Variants in VPS8 observed in about 807,000 individuals in gnomAD.
VPS8 encodes VPS8 subunit of CORVET complex, also known as vacuolar protein sorting-associated protein 8 homolog.
In VPS8, 129 loss-of-function variants were observed where a neutral mutation model predicts 216.4. The ratio of observed to expected loss-of-function variants is 0.60; its 90% CI spans 0.52 to 0.69. The LOEUF is 0.69. Among genes scored for constraint, VPS8 ranks in the 30% least tolerant of loss-of-function variants. The probability of loss-of-function intolerance (pLI) is 0.00; values close to 1 mark genes in which losing one functional copy is unlikely to be tolerated. For synonymous variants in VPS8, 571 were observed against 565.4 expected (o/e 1.01, Z -0.14); for missense variants, 1,531 against 1,683.5 (o/e 0.91, Z 1.59).
chr3:184,957,609 T>C lies in VPS8; in HGVS notation c.3183+88T>C, dbSNP rs73885629. The C allele has an allele frequency of 1.1e-3, 1,541 of 1,396,052 alleles. 11 individuals carry two copies. In the African/African-American group the frequency reaches 0.019, roughly 17 times the overall value. The allele number at this position is 1,396,052 out of a possible 1,614,324, so 86.5% of individuals were successfully genotyped here. ...TGATCAAAGACAAGGGGAAAAAATATATAATTTCTTTTTTAAACCTTATAA... is the reference window on the plus strand; with the variant it reads ...TGATCAAAGACAAGGGGAAAAAATACATAATTTCTTTTTTAAACCTTATAA... On this transcript the variant is annotated intron_variant, in intron 37 of 47. Coordinates refer to ENST00000625842, the MANE Select transcript of VPS8 (RefSeq NM_001009921.3).
chr3:184,906,856 A>G (rs1216498131), intron 25 of VPS8, among the ~76,000 whole-genome samples: 3 of 152,146 alleles, frequency 2.0e-5, no homozygotes, highest in East Asian at 1.9e-4. Context: ...CAGGGAAGGG[A>G]TGGAAGGCAA....
chr3:184,985,591 G>A (rs1750936823), intron 42 of VPS8, among the ~76,000 whole-genome samples: 1 of 152,130 alleles, frequency 6.6e-6, no homozygotes, highest in South Asian at 2.1e-4. Flanking sequence ...TACTTAATCT[G>A]TGTAAGAGCA....
At chr3:184,992,710 T>C (rs1752065244) in intron 42 of VPS8, among the ~76,000 whole-genome samples, 1 of 152,174 alleles carries the variant, frequency 6.6e-6, no homozygotes, top group Non-Finnish European at 1.5e-5. Context: ...ATTTATGTCA[T>C]ATATAACTTG....
At chr3:184,906,677 C>T (rs1212267869) in intron 25 of VPS8, among the ~76,000 whole-genome samples, 1 of 152,114 alleles carries the variant, frequency 6.6e-6, no homozygotes, top group Non-Finnish European at 1.5e-5. Context: ...ATTAGGGGAA[C>T]AAATGGACCT....
chr3:184,959,719 A>G (rs1746177930), intron 37 of VPS8, among the ~76,000 whole-genome samples: 1 of 152,082 alleles, frequency 6.6e-6, no homozygotes, highest in South Asian at 2.1e-4. Flanking sequence ...GGTTTGGGAA[A>G]TTTTTACCCA....
chr3:184,876,393 C>T (rs1177010882), intron 21 of VPS8, among the ~76,000 whole-genome samples: 1 of 151,624 alleles, frequency 6.6e-6, no homozygotes, highest in Non-Finnish European at 1.5e-5. Context: ...GAATCAGACT[C>T]TCTGGGATTG....
At chr3:185,026,192 T>TA (rs541184877) in intron 46 of VPS8, among the ~76,000 whole-genome samples, 31 of 151,880 alleles carry the variant, frequency 2.0e-4, no homozygotes, top group Middle Eastern at 3.4e-3. Context: ...GGAAAAATGA[T>TA]AAAAAAAATA....
intron 28 of VPS8, among the ~76,000 whole-genome samples, chr3:184,918,055 C>T (rs929866539): frequency 2.6e-5 from 4 of 152,114 alleles, no homozygotes; most frequent in African/African-American, 9.7e-5. Flanking sequence ...GCAGGGAGAT[C>T]TGTTAGTAAA....
At chr3:184,931,098 A>T (rs559685894) in intron 34 of VPS8, among the ~76,000 whole-genome samples, 7 of 152,304 alleles carry the variant, frequency 4.6e-5, no homozygotes, top group Non-Finnish European at 1.0e-4. Context: ...ATGCTTCTAG[A>T]TATACAAATA....
intron 43 of VPS8, 89 bp downstream of exon 43, chr3:184,994,152 T>A (rs1333985375): frequency 5.3e-6 from 5 of 951,594 alleles, no homozygotes; most frequent in Non-Finnish European, 7.5e-6. Context: ...AAAAAAAAAT[T>A]ACCATCTATT....
chr3:185,046,521 G>A (rs1282744694), intron 46 of VPS8, among the ~76,000 whole-genome samples: 1 of 152,166 alleles, frequency 6.6e-6, no homozygotes, highest in Non-Finnish European at 1.5e-5. Flanking sequence ...ACTCAGAGGA[G>A]AGATGTGACC....
intron 45 of VPS8, among the ~76,000 whole-genome samples, chr3:185,012,415 C>T (rs1755153170): frequency 6.7e-6 from 1 of 148,796 alleles, no homozygotes; most frequent in Non-Finnish European, 1.5e-5. Context: ...AATTGGATTT[C>T]TGGAACATAA....
At chr3:184,943,861 G>GGAGGCC (rs1434049518) in intron 36 of VPS8, among the ~76,000 whole-genome samples, 2 of 152,198 alleles carry the variant, frequency 1.3e-5, no homozygotes, top group Non-Finnish European at 2.9e-5. Context: ...CAGTACTTTG[G>GGAGGCC]GAGGCCAAGG....
chr3:184,962,612 A>G (rs1032822424), intron 37 of VPS8, among the ~76,000 whole-genome samples: 1 of 151,888 alleles, frequency 6.6e-6, no homozygotes, highest in African/African-American at 2.4e-5. Flanking sequence ...CCCAGTCTCT[A>G]ATCCTTTGCT....
At chr3:184,906,055 G>T (rs1735435133) in intron 25 of VPS8, among the ~76,000 whole-genome samples, 1 of 151,936 alleles carries the variant, frequency 6.6e-6, no homozygotes, top group Admixed American at 6.6e-5. Context: ...TTGATTTGAG[G>T]TCTTTGTTTT....
Position 184,983,006 on chromosome 3 carries a change from T to C in VPS8, c.3503-6T>C. 1 of 1,589,522 alleles carries C rather than the reference T, an allele frequency of 6.3e-7. No individual in the cohort carries two copies. Among genetic ancestry groups the C allele is most frequent in the Non-Finnish European group, 8.6e-7 (1 of 1,167,814 alleles). ...TAACCTTAATGTTAATATTTTGTTATAACAGCTCTGAAGTCTTTGACCATG... is the reference window on the plus strand; with the variant it reads ...TAACCTTAATGTTAATATTTTGTTACAACAGCTCTGAAGTCTTTGACCATG... On this transcript the variant is annotated splice_polypyrimidine_tract_variant and splice_region_variant and intron_variant, in intron 41 of 47. Coordinates refer to ENST00000625842, the MANE Select transcript of VPS8 (RefSeq NM_001009921.3).
At chr3:184,881,351 TTG>T (rs565385193) in intron 21 of VPS8, among the ~76,000 whole-genome samples, 8 of 152,094 alleles carry the variant, frequency 5.3e-5, no homozygotes, top group Non-Finnish European at 1.0e-4. Flanking sequence ...CGAAGTTCCT[TTG>T]TGTGTGTGTA....
In VPS8 at chr3:185,052,085, G is replaced by A. The variant is rs1577300845; in HGVS notation, c.*60G>A. 7 of 1,523,130 alleles carry A rather than the reference G, an allele frequency of 4.6e-6. No homozygotes were observed. The highest frequency in any genetic ancestry group is 1.4e-5 in the African/African-American group (1 of 72,506). The allele number at this position is 1,523,130 out of a possible 1,614,324, so 94.4% of individuals were successfully genotyped here. A position where few individuals can be genotyped will look rare whatever the true frequency, so the allele number is the denominator to read the frequency against. On this transcript the variant is annotated 3_prime_UTR_variant, in exon 48 of 48. Transcript: ENST00000625842. ...ATGATCCCGAGGCAGCTGGGGAGAG[G>A]CCCCGCCTCTGGTGGGCTTGGCCTC...
intron 45 of VPS8, among the ~76,000 whole-genome samples, chr3:185,009,651 C>T (rs557988748): frequency 6.6e-6 from 1 of 152,096 alleles, no homozygotes; most frequent in African/African-American, 2.4e-5. Flanking sequence ...AATAATGGTT[C>T]ATAAGACATT....
Sources: gnomAD v4.1 joint callset for allele counts (sites outside exome capture counted in the v4.1 genomes callset) on GRCh38, gnomAD v4.1.1 for gene constraint, MANE v1.5 for transcripts, NCBI Gene and HGNC (gene_info 2026-07-23, HGNC 2026-07-21) for gene names.